CCL28: variants seen among roughly 807,000 people sequenced by gnomAD.
CCL28 encodes C-C motif chemokine ligand 28.
Under a neutral mutation model 7.1 loss-of-function variants are expected in CCL28, and 4 were observed. The ratio of observed to expected loss-of-function variants is 0.56; its 90% confidence interval spans 0.28 to 1.29. The LOEUF (loss-of-function observed/expected upper bound fraction) is 1.29, where lower values mean the gene tolerates loss of function less well. Among genes scored for constraint, CCL28 ranks in the 50% most tolerant of loss-of-function variants. The probability of loss-of-function intolerance (pLI) is 0.11; values close to 1 mark genes in which losing one functional copy is unlikely to be tolerated. For synonymous variants in CCL28, 55 were observed against 57.8 expected (o/e 0.95, Z 0.22); for missense variants, 151 against 163.4 (o/e 0.92, Z 0.41).
At chr5:43,366,834 A>G in the CCL28 span, among the ~76,000 whole-genome samples, 2 of 152,170 alleles carry the variant, frequency 1.3e-5, no homozygotes, top group South Asian at 2.1e-4. Flanking sequence ...TTTCTTTCAG[A>G]GATGCCCTGC....
chr5:43,357,382 G>A, the CCL28 span, among the ~76,000 whole-genome samples: 2 of 152,184 alleles, frequency 1.3e-5, no homozygotes, highest in African/African-American at 4.8e-5. Context: ...TCAGTATACA[G>A]CAGACCATCG....
rs900658647 is a variant in CCL28, at chr5:43,381,200, G to C, written c.*660C>G. The C allele has an allele frequency of 6.6e-6, 1 of 152,064 alleles. No homozygotes were observed. The highest frequency in any genetic ancestry group is 2.4e-5 in the African/African-American group (1 of 41,414). 9.4% of individuals were successfully genotyped at this position (152,064 alleles called of 1,614,324 possible). ...TATAGAAACACATACAAAGAGAGGA[G>C]AGAGAAAGCAAATGTGACACAATAT... On this transcript the variant is annotated 3_prime_UTR_variant, in exon 3 of 3. Coordinates refer to ENST00000361115, the MANE Select transcript of CCL28 (RefSeq NM_148672.3).
chr5:43,412,031 G>A (rs1314524323), intron 1 of CCL28, among the ~76,000 whole-genome samples: 1 of 152,224 alleles, frequency 6.6e-6, no homozygotes, highest in African/African-American at 2.4e-5. Flanking sequence ...CCTCCAGGTG[G>A]CAAAAATTTG....
At chr5:43,400,543 A>C (rs1404755356) in intron 1 of CCL28, among the ~76,000 whole-genome samples, 1 of 150,350 alleles carries the variant, frequency 6.7e-6, no homozygotes, top group Non-Finnish European at 1.5e-5. Flanking sequence ...GCTTCCTCTT[A>C]CTTGGATGTG....
At chr5:43,383,457 C>T (rs956087404) in intron 2 of CCL28, among the ~76,000 whole-genome samples, 2 of 151,880 alleles carry the variant, frequency 1.3e-5, no homozygotes, top group African/African-American at 4.8e-5. Context: ...TGGGGAGAAT[C>T]GGGGGAAAGT....
the CCL28 span, among the ~76,000 whole-genome samples, chr5:43,361,116 C>G: frequency 6.6e-6 from 1 of 152,168 alleles, no homozygotes. Context: ...ATAATAGCCT[C>G]CAACTCCATC....
rs1740120062 is a variant in CCL28 at position 43,381,637 on chromosome 5, G to C, written c.*223C>G. On this transcript the variant is annotated 3_prime_UTR_variant, in exon 3 of 3. Coordinates refer to ENST00000361115, the MANE Select transcript of CCL28 (RefSeq NM_148672.3). ...AGCCTCCCGAAGTGCTGGGATAAAAGGTGTGAACCACCATACCCAGCCAGT... is the reference window on the plus strand; with the variant it reads ...AGCCTCCCGAAGTGCTGGGATAAAACGTGTGAACCACCATACCCAGCCAGT... The C allele has an allele frequency of 2.2e-6, 1 of 453,042 alleles. No homozygotes were observed. The highest frequency in any genetic ancestry group is 3.9e-6 in the Non-Finnish European group (1 of 256,862). The allele number at this position is 453,042 out of a possible 1,614,324, so 28.1% of individuals were successfully genotyped here.
At chr5:43,357,635 C>A in the CCL28 span, among the ~76,000 whole-genome samples, 4,199 of 152,070 alleles carry the variant, frequency 0.028, 107 homozygotes, top group Non-Finnish European at 0.042. Flanking sequence ...ACTCTGTGTT[C>A]TTTCTCTTAC....
intron 1 of CCL28, among the ~76,000 whole-genome samples, chr5:43,405,065 T>C (rs1048053275): frequency 4.1e-4 from 62 of 152,296 alleles, no homozygotes; most frequent in African/African-American, 5.8e-4. Flanking sequence ...TGGGAGACTT[T>C]AACACCCCAC....
the CCL28 span, among the ~76,000 whole-genome samples, chr5:43,369,017 G>A: frequency 4.6e-5 from 6 of 131,530 alleles, no homozygotes; most frequent in Admixed American, 4.9e-4. Context: ...TGGGGGGCAG[G>A]GGGAGAGAGA....
the CCL28 span, among the ~76,000 whole-genome samples, chr5:43,364,380 C>T: frequency 6.6e-6 from 1 of 151,696 alleles, no homozygotes; most frequent in Non-Finnish European, 1.5e-5. Context: ...ATGTTTATGC[C>T]ACTGTATTTT....
At chr5:43,404,419 G>T (rs1293873451) in intron 1 of CCL28, among the ~76,000 whole-genome samples, 3 of 152,132 alleles carry the variant, frequency 2.0e-5, no homozygotes, top group Admixed American at 6.6e-5. Flanking sequence ...AGCTTCATAA[G>T]TGAAGGAGAA....
downstream of CCL28, chr5:43,376,689 G>C (rs1739893815): frequency 6.6e-6 from 1 of 152,318 alleles, no homozygotes; most frequent in African/African-American, 2.4e-5. Context: ...GAGTCAGGAG[G>C]TAGGAGGAGA....
In CCL28 at chr5:43,380,152, T is replaced by C. The variant is rs1295217384; in HGVS notation, c.*1708A>G. On this transcript the variant is annotated 3_prime_UTR_variant, in exon 3 of 3. Coordinates refer to ENST00000361115, the MANE Select transcript of CCL28 (RefSeq NM_148672.3). ...AAACAACCAAACAACAACAAAAACG[T>C]GTGAGAAGGGTGGAATAGGAGCTAA... The C allele has an allele frequency of 1.3e-5, 2 of 149,476 alleles. No homozygotes were observed. Among genetic ancestry groups the C allele is most frequent in the African/African-American group, 4.9e-5 (2 of 40,814 alleles). 9.3% of individuals were successfully genotyped at this position (149,476 alleles called of 1,614,324 possible). A position where few individuals can be genotyped will look rare whatever the true frequency, so the allele number is the denominator to read the frequency against.
chr5:43,407,688 C>A (rs906959058), intron 1 of CCL28, among the ~76,000 whole-genome samples: 3 of 152,086 alleles, frequency 2.0e-5, no homozygotes, highest in Admixed American at 2.0e-4. Flanking sequence ...AAAGAAAATA[C>A]CATCAGAGTG....
chr5:43,400,035 C>A (rs1396378914), intron 1 of CCL28, among the ~76,000 whole-genome samples: 1 of 151,908 alleles, frequency 6.6e-6, no homozygotes, highest in Non-Finnish European at 1.5e-5. Context: ...TTTGCAGAAA[C>A]AGGGTGTTGT....
At chr5:43,397,515 C>G (rs1396617561) in intron 1 of CCL28, among the ~76,000 whole-genome samples, 1 of 151,884 alleles carries the variant, frequency 6.6e-6, no homozygotes, top group African/African-American at 2.4e-5. Context: ...AAATGAGGCA[C>G]GAGCCTCAGG....
At chr5:43,373,732 C>T (rs978729622), downstream of CCL28, among the ~76,000 whole-genome samples, 11 of 152,246 alleles carry the variant, frequency 7.2e-5, no homozygotes, top group African/African-American at 2.7e-4. Flanking sequence ...TATGTTCCCA[C>T]ATTCTTTCCA....
At chr5:43,408,893 C>T (rs1244394187) in intron 1 of CCL28, among the ~76,000 whole-genome samples, 5 of 141,902 alleles carry the variant, frequency 3.5e-5, no homozygotes, top group Non-Finnish European at 3.0e-5. Context: ...TAATTTTTTA[C>T]TTTTTTTTTT....
Sources: gnomAD v4.1 joint callset for allele counts (sites outside exome capture counted in the v4.1 genomes callset) on GRCh38, gnomAD v4.1.1 for gene constraint, MANE v1.5 for transcripts, NCBI Gene and HGNC (gene_info 2026-07-23, HGNC 2026-07-21) for gene names.